Variants in FIG4 observed in about 807,000 individuals in gnomAD.
FIG4 encodes polyphosphoinositide phosphatase.
FIG4 carries 112 observed loss-of-function variants against 118.6 expected under a neutral mutation model. The ratio of observed to expected loss-of-function variants is 0.94; its 90% CI spans 0.81 to 1.11. FIG4 has a LOEUF of 1.11. Ranked by LOEUF, FIG4 falls within the 50% of genes least tolerant of loss-of-function variation. The pLI is 0.00. For synonymous variants in FIG4, 369 were observed against 381.2 expected, an observed-to-expected ratio of 0.97 and a Z score of 0.37; for missense variants, 969 against 1,111.7, an observed-to-expected ratio of 0.87 and a Z score of 1.83.
At chr6:109,711,062 A>T (rs967694838) in intron 1 of FIG4, among the ~76,000 whole-genome samples, 3 of 152,000 alleles carry the variant, frequency 2.0e-5, no homozygotes, top group African/African-American at 7.3e-5. Context: ...GTCTCCCTCT[A>T]TTATTGTGTG....
intron 10 of FIG4, among the ~76,000 whole-genome samples, chr6:109,750,578 A>C (rs906986032): frequency 6.6e-6 from 1 of 152,116 alleles, no homozygotes; most frequent in Non-Finnish European, 1.5e-5. Context: ...GGATGCAGTG[A>C]GCTATGATTG....
intron 13 of FIG4, 82 bp from the exon 14 acceptor site, chr6:109,764,931 G>GTT: frequency 1.5e-5 from 20 of 1,302,536 alleles, no homozygotes; most frequent in Non-Finnish European, 1.9e-5. Context: ...TTTTGTTTTT[G>GTT]TTTCTTAAAG....
intron 17 of FIG4, 41 bp from the exon 18 acceptor site, chr6:109,786,261 T>G: frequency 6.4e-7 from 1 of 1,571,744 alleles, no homozygotes; most frequent in South Asian, 1.1e-5. Flanking sequence ...TTGCTTGCTA[T>G]AATCTCAGAC....
intron 10 of FIG4, among the ~76,000 whole-genome samples, chr6:109,759,974 C>T (rs547736259): frequency 3.9e-5 from 6 of 152,206 alleles, no homozygotes; most frequent in East Asian, 3.9e-4. Context: ...CCATGGCCCA[C>T]GTTGGGTAAG....
chr6:109,731,768 G>A (rs56138799), intron 4 of FIG4, among the ~76,000 whole-genome samples: 3 of 152,210 alleles, frequency 2.0e-5, no homozygotes, highest in Non-Finnish European at 4.4e-5. Flanking sequence ...TGCAGATTTT[G>A]TTATCTGAGG....
chr6:109,743,097 C>A lies in FIG4; in HGVS notation c.877-13C>A. The A allele has an allele frequency of 6.2e-7, 1 of 1,608,110 alleles. No individual in the cohort carries two copies. On this transcript the variant is annotated splice_polypyrimidine_tract_variant and intron_variant, in intron 8 of 22. Transcript: ENST00000230124. ...ATAACATAAAATATTTTTCAATGCA[C>A]CTTTCTTTTCAGGGTGATGTTGCAA...
rs761537892 is a variant in FIG4 at position 109,703,614 on chromosome 6, G to C, written c.67-11464G>C. Among the ~76,000 whole-genome samples the C allele has an allele frequency of 4.3e-4, 65 of 152,326 alleles. 1 individual carries two copies. Among genetic ancestry groups the C allele is most frequent in the Admixed American group, 1.4e-3 (22 of 15,294 alleles). On this transcript the variant is annotated intron_variant, in intron 1 of 22. Transcript: ENST00000230124. ...TTTAGTAAGATGTTTGGGAGGACCA[G>C]AGGTGTCCACTCCTCCATCTTTATC...
intron 15 of FIG4, among the ~76,000 whole-genome samples, chr6:109,771,387 C>G (rs1777454612): frequency 6.6e-6 from 1 of 152,002 alleles, no homozygotes; most frequent in South Asian, 2.1e-4. Flanking sequence ...ACTACAACAC[C>G]TCAGTCTCAT....
At chr6:109,708,155 A>G (rs981879557) in intron 1 of FIG4, among the ~76,000 whole-genome samples, 6 of 152,072 alleles carry the variant, frequency 3.9e-5, no homozygotes, top group African/African-American at 1.4e-4. Flanking sequence ...CCCACCCTCC[A>G]AAAGACCCCA....
intron 8 of FIG4, among the ~76,000 whole-genome samples, chr6:109,742,249 T>C (rs908459778): frequency 1.3e-5 from 2 of 152,080 alleles, no homozygotes; most frequent in Non-Finnish European, 2.9e-5. Context: ...CAATTCTTGA[T>C]AAGAAGACGA....
intron 17 of FIG4, chr6:109,785,839 A>G (rs749515234): frequency 1.5e-5 from 6 of 387,148 alleles, no homozygotes; most frequent in African/African-American, 4.2e-5. Flanking sequence ...TGTAACTTGA[A>G]ATTCTGGGCA....
chr6:109,761,927 A>G (rs1024844500), intron 11 of FIG4, among the ~76,000 whole-genome samples, 164 bp from the exon 12 acceptor site: 1 of 152,210 alleles, frequency 6.6e-6, no homozygotes, highest in African/African-American at 2.4e-5. Context: ...AGTACACATT[A>G]TATTCTAGAC....
At chr6:109,790,569 T>A (rs1778108795) in intron 19 of FIG4, among the ~76,000 whole-genome samples, 1 of 152,220 alleles carries the variant, frequency 6.6e-6, no homozygotes, top group Non-Finnish European at 1.5e-5. Flanking sequence ...GACTGCTTGT[T>A]TTCTGCAATA....
intron 8 of FIG4, among the ~76,000 whole-genome samples, chr6:109,741,886 T>TTGTTAA (rs1776335208): frequency 6.6e-6 from 1 of 152,122 alleles, no homozygotes; most frequent in African/African-American, 2.4e-5. Context: ...AAGGGAATAA[T>TTGTTAA]GACAATAAAA....
chr6:109,739,225 G>C (rs1776250127), intron 7 of FIG4, among the ~76,000 whole-genome samples: 1 of 139,622 alleles, frequency 7.2e-6, no homozygotes, highest in Non-Finnish European at 1.5e-5. Flanking sequence ...GGGTTAAGCT[G>C]ATGAGTTCAA....
At chr6:109,767,712 A>T (rs1777323008) in intron 15 of FIG4, among the ~76,000 whole-genome samples, 1 of 152,074 alleles carries the variant, frequency 6.6e-6, no homozygotes, top group Non-Finnish European at 1.5e-5. Context: ...CTACTAAAAA[A>T]ATTACAAAAA....
At position 109,795,095 on chromosome 6, in the gene FIG4, GTTTTTTTTTTT is replaced by G. The variant is rs571649446; in HGVS notation, c.2460-1640_2460-1630del. Among the ~76,000 whole-genome samples, 572 of 57,240 alleles carry G rather than the reference GTTTTTTTTTTT, an allele frequency of 1.0e-2. 13 individuals carry two copies. The highest frequency in any genetic ancestry group is 0.031 in the African/African-American group (537 of 17,352). 37.6% of individuals were successfully genotyped at this position (57,240 alleles called of 152,430 possible). On this transcript the variant is annotated intron_variant, in intron 21 of 22. Coordinates refer to ENST00000230124, the MANE Select transcript of FIG4 (RefSeq NM_014845.6). ...TCCTCAAAGCTTCATACACTTGCCA[GTTTTTTTTTTT>G]TTTTTTTTTTTTTTTTTTTTTTTTT...
intron 1 of FIG4, among the ~76,000 whole-genome samples, chr6:109,713,752 G>A (rs544268397): frequency 9.2e-5 from 14 of 152,230 alleles, no homozygotes; most frequent in Admixed American, 5.2e-4. Context: ...GGAGAGGGTG[G>A]GCTGCTGGGT....
chr6:109,817,949 C>T (rs144318118), intron 22 of FIG4, among the ~76,000 whole-genome samples: 46 of 152,304 alleles, frequency 3.0e-4, no homozygotes, highest in Middle Eastern at 3.4e-3. Context: ...CTTTCAGGAT[C>T]GCTGGAGAGC....
Sources: gnomAD v4.1 joint callset for allele counts (sites outside exome capture counted in the v4.1 genomes callset) on GRCh38, gnomAD v4.1.1 for gene constraint, MANE v1.5 for transcripts, NCBI Gene and HGNC (gene_info 2026-07-23, HGNC 2026-07-21) for gene names.